Variants in C9orf85 observed in about 807,000 individuals in gnomAD.
The protein encoded by C9orf85 is uncharacterized protein C9orf85.
A neutral mutation model predicts 14.9 loss-of-function variants in C9orf85; 16 were observed. That is an observed-to-expected ratio of 1.08 (90% CI 0.73 to 1.63). C9orf85 has a LOEUF of 1.63. Ranked by LOEUF, C9orf85 falls within the 40% of genes most tolerant of loss-of-function variation. The pLI is 0.00. For synonymous variants in C9orf85, 45 were observed against 56.8 expected (o/e 0.79, Z 0.93); for missense variants, 172 against 186.1 (o/e 0.92, Z 0.44).
chr9:71,974,116 G>A (rs1226150878), downstream of C9orf85, among the ~76,000 whole-genome samples: 42 of 151,646 alleles, frequency 2.8e-4, 1 homozygote, highest in Non-Finnish European at 2.8e-4. Context: ...TAGTAGAGAC[G>A]GGGTTTCACC....
At chr9:71,962,157 C>A (rs1288126702) in intron 2 of C9orf85, among the ~76,000 whole-genome samples, 1 of 152,110 alleles carries the variant, frequency 6.6e-6, no homozygotes, top group Non-Finnish European at 1.5e-5. Flanking sequence ...CAGAGTGAGA[C>A]CCTGTCTCAA....
intron 1 of C9orf85, among the ~76,000 whole-genome samples, chr9:71,945,424 G>A (rs548836869): frequency 6.5e-4 from 99 of 152,298 alleles, no homozygotes; most frequent in African/African-American, 2.3e-3. Flanking sequence ...CTCCATCTAT[G>A]TCCAGAAGGA....
intron 2 of C9orf85, among the ~76,000 whole-genome samples, chr9:71,956,282 C>T (rs1408977275): frequency 8.6e-6 from 1 of 116,672 alleles, no homozygotes; most frequent in East Asian, 2.6e-4. Context: ...CAGAATTTCG[C>T]TCTTGTTGCC....
intron 2 of C9orf85, among the ~76,000 whole-genome samples, chr9:71,956,242 GTTTTTTTT>G (rs60432625): frequency 2.4e-4 from 12 of 51,020 alleles, no homozygotes; most frequent in South Asian, 9.5e-4. Flanking sequence ...GAATGCAAAA[GTTTTTTTT>G]TTTTTTTTTT....
intron 2 of C9orf85, among the ~76,000 whole-genome samples, chr9:71,951,267 T>C (rs1822239035): frequency 6.6e-6 from 1 of 152,202 alleles, no homozygotes; most frequent in Non-Finnish European, 1.5e-5. Context: ...TTGAAAATTA[T>C]GTATGTACTG....
At chr9:71,951,556 G>A (rs1187100903) in intron 2 of C9orf85, among the ~76,000 whole-genome samples, 1 of 152,176 alleles carries the variant, frequency 6.6e-6, no homozygotes, top group Non-Finnish European at 1.5e-5. Flanking sequence ...CTGCGGGAGG[G>A]CTGCAATGGT....
chr9:71,945,716 A>C (rs1822068746), intron 1 of C9orf85, among the ~76,000 whole-genome samples: 1 of 152,222 alleles, frequency 6.6e-6, no homozygotes, highest in Non-Finnish European at 1.5e-5. Context: ...ATCTGATGTA[A>C]ACATTGTGCT....
intron 2 of C9orf85, among the ~76,000 whole-genome samples, chr9:71,964,059 C>G (rs1368495638): frequency 2.0e-5 from 3 of 152,130 alleles, no homozygotes; most frequent in African/African-American, 4.8e-5. Context: ...GTAAATACAC[C>G]AATCAGCACC....
intron 1 of C9orf85, among the ~76,000 whole-genome samples, chr9:71,913,648 C>A (rs952326957): frequency 2.0e-5 from 3 of 152,202 alleles, no homozygotes; most frequent in East Asian, 1.9e-4. Flanking sequence ...TAGATGTCTG[C>A]GTCTTGTGTA....
At position 71,971,397 on chromosome 9, in the gene C9orf85, G is replaced by A. The variant is rs537391953; in HGVS notation, c.210-108G>A. On this transcript the variant is annotated intron_variant, in intron 2 of 3. Coordinates refer to ENST00000334731, the MANE Select transcript of C9orf85 (RefSeq NM_182505.5). ...GATAAACACCTGAAATTGAAACCTA[G>A]GAATTTTGATTTCTTAGGCTTTTTA... 3.0e-4 allele frequency: 159 copies of A among 529,036 alleles called. 1 individual carries two copies. The African/African-American group carries it at 3.1e-3, about 10-fold the overall frequency. 32.8% of individuals were successfully genotyped at this position (529,036 alleles called of 1,614,324 possible).
chr9:71,931,699 G>C (rs1367703849), intron 1 of C9orf85, among the ~76,000 whole-genome samples: 2 of 152,134 alleles, frequency 1.3e-5, no homozygotes, highest in Non-Finnish European at 2.9e-5. Context: ...CAAGATAGTT[G>C]TAAGGAAATG....
chr9:71,976,670 A>G (rs558838678), downstream of C9orf85, among the ~76,000 whole-genome samples: 94 of 152,094 alleles, frequency 6.2e-4, no homozygotes, highest in African/African-American at 2.1e-3. Flanking sequence ...TCAAAAAAAA[A>G]AAAAAAATTC....
At chr9:71,985,702 T>C (rs1823199676), downstream of C9orf85, 1 of 152,362 alleles carries the variant, frequency 6.6e-6, no homozygotes, top group East Asian at 1.9e-4. Context: ...ACCATTGTTA[T>C]GCGGTTATAG....
At chr9:71,976,269 A>G (rs1215737887), downstream of C9orf85, among the ~76,000 whole-genome samples, 2 of 152,214 alleles carry the variant, frequency 1.3e-5, no homozygotes, top group Non-Finnish European at 2.9e-5. Context: ...GATATCTGGC[A>G]GGAGGATATC....
intron 1 of C9orf85, among the ~76,000 whole-genome samples, chr9:71,935,535 A>G (rs1828167990): frequency 6.6e-6 from 1 of 151,940 alleles, no homozygotes. Context: ...GCTCACACCT[A>G]TAATCCCATA....
chr9:71,981,900 C>T (rs964894537), intron 3 of C9orf85, among the ~76,000 whole-genome samples: 1 of 152,038 alleles, frequency 6.6e-6, no homozygotes, highest in East Asian at 1.9e-4. Context: ...AATGCTTTAT[C>T]GAGGCATAAT....
intron 2 of C9orf85, among the ~76,000 whole-genome samples, chr9:71,954,543 G>C (rs551055623): frequency 1.9e-4 from 29 of 152,272 alleles, no homozygotes; most frequent in Admixed American, 7.8e-4. Flanking sequence ...TGCTAAACAA[G>C]GGGTGGATTA....
chr9:71,968,096 A>T (rs1191953093), intron 2 of C9orf85, among the ~76,000 whole-genome samples: 4 of 19,288 alleles, frequency 2.1e-4, no homozygotes, highest in Non-Finnish European at 4.7e-4. Context: ...GCATATATAT[A>T]TATATAGAGA....
intron 1 of C9orf85, among the ~76,000 whole-genome samples, chr9:71,941,144 CT>C (rs1382787998): frequency 2.0e-5 from 3 of 152,122 alleles, no homozygotes; most frequent in African/African-American, 7.2e-5. Flanking sequence ...AGCTGACGAT[CT>C]TTTTTAAAAA....
Sources: allele counts gnomAD v4.1 joint callset (sites outside exome capture counted in the v4.1 genomes callset), GRCh38; gene constraint gnomAD v4.1.1; transcripts MANE v1.5; gene names NCBI Gene and HGNC (gene_info 2026-07-23, HGNC 2026-07-21).